The following STON1 variants were observed in gnomAD, a reference collection of about 807,000 sequenced individuals.
STON1 encodes the protein stonin-1.
A neutral mutation model predicts 60.9 loss-of-function variants in STON1; 79 were observed. That is an observed-to-expected ratio of 1.30 (90% CI 1.08 to 1.56). STON1 has a LOEUF of 1.56. Among genes scored for constraint, STON1 ranks in the 40% most tolerant of loss-of-function variants. The pLI, the probability that STON1 is intolerant of heterozygous loss-of-function variation, is 0.00. For synonymous variants in STON1, 363 were observed against 306.9 expected, an observed-to-expected ratio of 1.18 and a Z score of -1.91; for missense variants, 1,166 against 858.9, an observed-to-expected ratio of 1.36 and a Z score of -4.47.
chr2:48,591,514 T>G (rs1674510309), intron 2 of STON1, 139 bp from the exon 3 acceptor site: 7 of 1,176,276 alleles, frequency 6.0e-6, no homozygotes, highest in South Asian at 1.8e-5. Flanking sequence ...TTTCATGGTA[T>G]GTTGTTTAAA....
At chr2:48,585,365 A>T (rs147317988) in intron 2 of STON1, among the ~76,000 whole-genome samples, 1 of 152,038 alleles carries the variant, frequency 6.6e-6, no homozygotes, top group African/African-American at 2.4e-5. Context: ...CTAGTGGCTC[A>T]ACCTCCCAAG....
intron 1 of STON1, among the ~76,000 whole-genome samples, chr2:48,538,870 G>A (rs993058984): frequency 2.0e-5 from 3 of 151,070 alleles, no homozygotes; most frequent in Non-Finnish European, 4.4e-5. Flanking sequence ...CGCCTGCCGC[G>A]GCCTCCCAAA....
intron 1 of STON1, among the ~76,000 whole-genome samples, chr2:48,546,926 G>T (rs974943633): frequency 2.6e-5 from 4 of 152,146 alleles, no homozygotes; most frequent in East Asian, 1.9e-4. Context: ...CCAAGACATA[G>T]ATCCCAATGG....
chr2:48,578,526 CTCTTTCT>C (rs1463451400), intron 1 of STON1, among the ~76,000 whole-genome samples: 1 of 112,588 alleles, frequency 8.9e-6, no homozygotes, highest in Non-Finnish European at 2.1e-5. Flanking sequence ...TCTCCGCTTC[CTCTTTCT>C]CCTCCTTCTC....
intron 3 of STON1, 76 bp from the exon 4 acceptor site, chr2:48,595,152 A>G (rs2103970938): frequency 2.6e-6 from 3 of 1,162,158 alleles, no homozygotes; most frequent in South Asian, 1.3e-5. Flanking sequence ...TGCCACATGT[A>G]TAAAATAGGA....
rs1337542419 is a variant in STON1, at chr2:48,595,518, T to G, written c.*216T>G. 1 of 496,942 alleles carries G rather than the reference T, an allele frequency of 2.0e-6. No homozygotes were observed. The highest frequency in any genetic ancestry group is 3.6e-6 in the Non-Finnish European group (1 of 281,682). 30.8% of individuals were successfully genotyped at this position (496,942 alleles called of 1,614,324 possible). A position where few individuals can be genotyped will look rare whatever the true frequency, so the allele number is the denominator to read the frequency against. On this transcript the variant is annotated 3_prime_UTR_variant, in exon 4 of 4. Coordinates refer to ENST00000404752, the MANE Select transcript of STON1 (RefSeq NM_006873.4). ...TCCTAGGGGTTCGATCTAAAATGTT[T>G]CTATAATTCGTGTGATGTTTTGCTT...
rs190440801 is a variant in STON1 at position 48,558,659 on chromosome 2, C to G, written c.-47-21928C>G. 7.3e-3 allele frequency among the ~76,000 whole-genome samples: 1,096 copies of G among 149,446 alleles called. 5 individuals carry two copies. Among genetic ancestry groups the G allele is most frequent in the Non-Finnish European group, 0.012 (809 of 68,008 alleles). On this transcript the variant is annotated intron_variant, in intron 1 of 3. Transcript: ENST00000404752. ...CACTGGCGTTAACTGGCACATAACT[C>G]AAATCAACAGAAACATGAGCAGAGG...
intron 1 of STON1, among the ~76,000 whole-genome samples, chr2:48,544,578 C>T (rs1193519363): frequency 6.6e-6 from 1 of 152,170 alleles, no homozygotes; most frequent in African/African-American, 2.4e-5. Context: ...CAGAGTCTTG[C>T]TCTGTTGCTT....
At chr2:48,586,051 G>C (rs1437683127) in intron 2 of STON1, among the ~76,000 whole-genome samples, 1 of 152,224 alleles carries the variant, frequency 6.6e-6, no homozygotes, top group African/African-American at 2.4e-5. Flanking sequence ...GCTCCGGGAG[G>C]CCCTGAAGGA....
intron 1 of STON1, among the ~76,000 whole-genome samples, chr2:48,545,352 G>T (rs1380791317): frequency 1.3e-5 from 2 of 152,148 alleles, no homozygotes; most frequent in East Asian, 3.9e-4. Context: ...GGCCTCCTCT[G>T]CACCCACATA....
chr2:48,592,586 C>G (rs1389326294), intron 3 of STON1, among the ~76,000 whole-genome samples: 6 of 145,316 alleles, frequency 4.1e-5, no homozygotes, highest in Non-Finnish European at 6.0e-5. Context: ...CACCCACCAC[C>G]ACACCCAGCT....
chr2:48,568,597 C>T (rs1442948378), intron 1 of STON1, among the ~76,000 whole-genome samples: 1 of 151,866 alleles, frequency 6.6e-6, no homozygotes, highest in Non-Finnish European at 1.5e-5. Context: ...AGGCAGGGCA[C>T]CTAAATCTAT....
rs1672835409 is a variant in STON1 at position 48,564,580 on chromosome 2, TCC to T, written c.-47-16006_-47-16005del. On this transcript the variant is annotated intron_variant, in intron 1 of 3. Coordinates refer to ENST00000404752, the MANE Select transcript of STON1 (RefSeq NM_006873.4). Reference sequence around the variant, plus strand: ...CTTCTTCTTCTTCTCCTTCTCCTTCTCCTCCTCCTCCTCCTCCTCCTCCTTCT... The same window carrying T: ...CTTCTTCTTCTTCTCCTTCTCCTTCTTCCTCCTCCTCCTCCTCCTCCTTCT... Among the ~76,000 whole-genome samples, 90 of 57,522 alleles carry T rather than the reference TCC, an allele frequency of 1.6e-3. 16 individuals are homozygous for T. Among genetic ancestry groups the T allele is most frequent in the Non-Finnish European group, 2.9e-3 (73 of 25,328 alleles). The allele number at this position is 57,522 out of a possible 152,430, so 37.7% of individuals were successfully genotyped here.
chr2:48,576,363 T>C (rs966589373), intron 1 of STON1, among the ~76,000 whole-genome samples: 4 of 151,440 alleles, frequency 2.6e-5, no homozygotes, highest in Non-Finnish European at 1.5e-5. Flanking sequence ...CTAATTTTTG[T>C]ATTTTTAGTA....
At position 48,591,466 on chromosome 2, in the gene STON1, C is replaced by G. The variant is rs975713636; in HGVS notation, c.1931-187C>G. Among the ~76,000 whole-genome samples, 4 of 152,120 alleles carry G rather than the reference C, an allele frequency of 2.6e-5. No individual in the cohort carries two copies. In the East Asian group the frequency reaches 7.7e-4, roughly 29 times the overall value. ...TTTTAAAGCTAGTACTTAAAAATGG[C>G]AGACAGCTTTCCCCCTAGTTGGTGC... On this transcript the variant is annotated intron_variant, in intron 2 of 3. Coordinates refer to ENST00000404752, the MANE Select transcript of STON1 (RefSeq NM_006873.4).
At chr2:48,556,839 G>T (rs1232011246) in intron 1 of STON1, among the ~76,000 whole-genome samples, 1 of 55,970 alleles carries the variant, frequency 1.8e-5, no homozygotes, top group Non-Finnish European at 3.4e-5. Flanking sequence ...CTGGCCGGGT[G>T]GGGGGGCTGA....
intron 1 of STON1, among the ~76,000 whole-genome samples, chr2:48,547,738 G>A (rs996659365): frequency 3.3e-5 from 5 of 152,198 alleles, no homozygotes; most frequent in Non-Finnish European, 5.9e-5. Flanking sequence ...GATGTCTCCC[G>A]GAGCATAGAT....
rs1674874928 is a variant in STON1, at chr2:48,598,300, C to T, written c.*2998C>T. On this transcript the variant is annotated 3_prime_UTR_variant, in exon 4 of 4. Coordinates refer to ENST00000404752, the MANE Select transcript of STON1 (RefSeq NM_006873.4). The stretch of plus-strand genomic sequence containing the variant: ...TAGACAGTTCTAGGATGTTAGTTCC[C>T]TTCATTCCAGAGCTATGCTTGTGAT... 1 of 152,516 alleles carries T rather than the reference C, an allele frequency of 6.6e-6. No individual in the cohort carries two copies. 9.4% of individuals were successfully genotyped at this position (152,516 alleles called of 1,614,324 possible).
At chr2:48,573,230 G>A (rs1296702193) in intron 1 of STON1, among the ~76,000 whole-genome samples, 2 of 152,110 alleles carry the variant, frequency 1.3e-5, no homozygotes, top group Non-Finnish European at 2.9e-5. Context: ...TGTCAGTTTG[G>A]GCCGTTTGCC....
Sources: allele counts gnomAD v4.1 joint callset (sites outside exome capture counted in the v4.1 genomes callset), GRCh38; gene constraint gnomAD v4.1.1; transcripts MANE v1.5; gene names NCBI Gene and HGNC (gene_info 2026-07-23, HGNC 2026-07-21).